The following CWC27 variants were observed in gnomAD, a reference collection of about 807,000 sequenced individuals.
The protein encoded by CWC27 is spliceosome-associated protein CWC27 homolog.
Under a neutral mutation model 63.6 loss-of-function variants are expected in CWC27, and 47 were observed. The ratio of observed to expected loss-of-function variants is 0.74; its 90% CI spans 0.58 to 0.94. CWC27 has a LOEUF of 0.94. CWC27 is among the 40% of genes least tolerant of loss of function. The pLI, the probability that CWC27 is intolerant of heterozygous loss-of-function variation, is 0.00. For synonymous variants in CWC27, 175 were observed against 179.8 expected, an observed-to-expected ratio of 0.97 and a Z score of 0.22; for missense variants, 495 against 554.3, an observed-to-expected ratio of 0.89 and a Z score of 1.07.
At chr5:65,016,915 A>G (rs1037385044) in intron 13 of CWC27, among the ~76,000 whole-genome samples, 3 of 152,218 alleles carry the variant, frequency 2.0e-5, no homozygotes, top group Non-Finnish European at 4.4e-5. Flanking sequence ...GAAAGTTACA[A>G]CAGGCATATA....
chr5:64,925,564 C>T (rs1413666665), intron 11 of CWC27, among the ~76,000 whole-genome samples: 1 of 152,170 alleles, frequency 6.6e-6, no homozygotes, highest in Non-Finnish European at 1.5e-5. Context: ...ATTAAAGGCT[C>T]TTATTGGCCA....
chr5:64,878,917 T>C (rs1746867544), intron 10 of CWC27, among the ~76,000 whole-genome samples: 1 of 151,756 alleles, frequency 6.6e-6, no homozygotes, highest in East Asian at 1.9e-4. Context: ...CATAATTCAA[T>C]AGGATTTAAG....
chr5:64,871,524 G>T (rs1580691804), intron 10 of CWC27, among the ~76,000 whole-genome samples: 1 of 152,046 alleles, frequency 6.6e-6, no homozygotes, highest in Non-Finnish European at 1.5e-5. Context: ...TAGGATGTGG[G>T]AATGCATGCA....
intron 13 of CWC27, among the ~76,000 whole-genome samples, chr5:65,004,350 C>T (rs958644135): frequency 6.9e-6 from 1 of 144,462 alleles, no homozygotes; most frequent in Non-Finnish European, 1.5e-5. Context: ...TATTTGGGCA[C>T]CTCATGGTGT....
intron 13 of CWC27, among the ~76,000 whole-genome samples, chr5:64,994,210 T>A (rs888452218): frequency 6.6e-6 from 1 of 152,208 alleles, no homozygotes; most frequent in Non-Finnish European, 1.5e-5. Context: ...ATATAGATGC[T>A]TTTCCCAAGA....
intron 10 of CWC27, among the ~76,000 whole-genome samples, chr5:64,871,250 T>A (rs1746668029): frequency 6.6e-6 from 1 of 152,166 alleles, no homozygotes; most frequent in African/African-American, 2.4e-5. Context: ...TACAGTTTTA[T>A]TGGACTACTG....
chr5:64,977,163 C>G lies in CWC27; in HGVS notation c.1181C>G (p.Ser394Cys). ...CTTGCACTGCTGAACCAGTTTAAAT[C>G]TAAACTCACTCAAGCAATTGCTGAA... is the stretch of plus-strand genomic sequence containing the variant. ...QTLALLNQFK[S>C]KLTQAIAETP... Residue 394 changes from serine (S) to cysteine (C), a missense_variant, in exon 13 of 14, where the codon TCT becomes TGT. Physicochemically the swap from Ser to Cys is moderately radical, Grantham distance 112. This residue lies in a region of CWC27 where 463 missense variants were observed against 498.1 expected (regional missense o/e 0.93). Transcript: ENST00000381070. The G allele has an allele frequency of 1.9e-6, 3 of 1,611,096 alleles. No individual in the cohort carries two copies. The highest frequency in any genetic ancestry group is 2.5e-6 in the Non-Finnish European group (3 of 1,178,140).
chr5:64,899,841 TG>T (rs1403778896), intron 11 of CWC27, among the ~76,000 whole-genome samples: 1 of 152,258 alleles, frequency 6.6e-6, no homozygotes, highest in Non-Finnish European at 1.5e-5. Context: ...TCTGATCCCC[TG>T]GCAACCACTA....
chr5:64,884,925 A>G (rs374419867), intron 10 of CWC27, among the ~76,000 whole-genome samples: 2 of 152,198 alleles, frequency 1.3e-5, no homozygotes, highest in Non-Finnish European at 2.9e-5. Context: ...GCCAAACTGT[A>G]GTATTAAATG....
At chr5:64,944,896 A>G (rs959038519) in intron 11 of CWC27, among the ~76,000 whole-genome samples, 2 of 152,094 alleles carry the variant, frequency 1.3e-5, no homozygotes, top group African/African-American at 4.8e-5. Flanking sequence ...GATTTCTTAA[A>G]AGTTAAAGCC....
At chr5:64,947,996 A>G (rs1748622130) in intron 11 of CWC27, among the ~76,000 whole-genome samples, 1 of 152,066 alleles carries the variant, frequency 6.6e-6, no homozygotes, top group Non-Finnish European at 1.5e-5. Flanking sequence ...CAGTTCTGCT[A>G]AGTGCTCAGG....
chr5:64,878,310 G>A (rs943877972), intron 10 of CWC27, among the ~76,000 whole-genome samples: 8 of 151,292 alleles, frequency 5.3e-5, no homozygotes, highest in South Asian at 2.1e-4. Context: ...GATATCTTTA[G>A]CATTAATAAT....
intron 10 of CWC27, among the ~76,000 whole-genome samples, chr5:64,827,582 C>T (rs1461638812): frequency 1.3e-5 from 2 of 152,272 alleles, no homozygotes; most frequent in African/African-American, 2.4e-5. Flanking sequence ...ATCTCTGATC[C>T]TCAGTTTCCT....
intron 13 of CWC27, among the ~76,000 whole-genome samples, chr5:64,999,452 A>G (rs1200392791): frequency 1.3e-5 from 2 of 152,076 alleles, no homozygotes; most frequent in East Asian, 1.9e-4. Context: ...TTCTAACGGT[A>G]TGTTTGTATC....
At chr5:64,943,634 A>G (rs1283932820) in intron 11 of CWC27, among the ~76,000 whole-genome samples, 1 of 152,224 alleles carries the variant, frequency 6.6e-6, no homozygotes, top group East Asian at 1.9e-4. Context: ...TCAGGTAAGA[A>G]TATAAATACC....
intron 10 of CWC27, among the ~76,000 whole-genome samples, chr5:64,872,151 A>G (rs1434858485): frequency 6.6e-6 from 1 of 152,090 alleles, no homozygotes; most frequent in African/African-American, 2.4e-5. Flanking sequence ...ATGGAAGCTG[A>G]GATCTGAAGG....
chr5:64,970,402 T>C (rs1427942492), intron 11 of CWC27, among the ~76,000 whole-genome samples: 2 of 151,624 alleles, frequency 1.3e-5, no homozygotes, highest in South Asian at 2.1e-4. Flanking sequence ...TTAGTAGAGA[T>C]GGGGTTTCAC....
At chr5:64,866,573 G>C (rs895178683) in intron 10 of CWC27, among the ~76,000 whole-genome samples, 1 of 151,958 alleles carries the variant, frequency 6.6e-6, no homozygotes, top group African/African-American at 2.4e-5. Flanking sequence ...GTATGTTTTA[G>C]CTGCATCCTG....
intron 10 of CWC27, among the ~76,000 whole-genome samples, chr5:64,848,793 T>C (rs1746055088): frequency 6.6e-6 from 1 of 152,138 alleles, no homozygotes. Context: ...AACATTCTTT[T>C]ATTATAAAAA....
Sources: allele counts gnomAD v4.1 joint callset (sites outside exome capture counted in the v4.1 genomes callset), GRCh38; gene constraint gnomAD v4.1.1; regional missense constraint gnomAD v4.1.1; transcripts MANE v1.5; gene names NCBI Gene and HGNC (gene_info 2026-07-23, HGNC 2026-07-21).